The following RDX variants were observed in gnomAD, a reference collection of about 807,000 sequenced individuals.
The protein encoded by RDX is deafness, autosomal recessive 24.
In RDX, 32 loss-of-function variants were observed where a neutral mutation model predicts 83.7. The ratio of observed to expected loss-of-function variants is 0.38; its 90% CI spans 0.29 to 0.51. The LOEUF (loss-of-function observed/expected upper bound fraction) is 0.51, where lower values mean the gene tolerates loss of function less well. RDX is among the 20% of genes least tolerant of loss of function. RDX has a pLI of 0.87. For missense variants in RDX, 600 were observed against 689.9 expected (o/e 0.87, Z 1.46); for synonymous variants, 229 against 222.7 (o/e 1.03, Z -0.25).
At chr11:110,280,359 T>C (rs1447622672) in intron 1 of RDX, among the ~76,000 whole-genome samples, 1 of 152,210 alleles carries the variant, frequency 6.6e-6, no homozygotes, top group East Asian at 1.9e-4. Flanking sequence ...TCCTCCTGCC[T>C]TGGGCTCCCA....
chr11:110,176,383 C>T (rs1369719949), intron 15 of RDX, among the ~76,000 whole-genome samples: 1 of 152,224 alleles, frequency 6.6e-6, no homozygotes, highest in South Asian at 2.1e-4. Flanking sequence ...CTTTTACAAA[C>T]CCCAGAGCCC....
At chr11:110,265,198 C>A (rs1257538627) in intron 3 of RDX, among the ~76,000 whole-genome samples, 1 of 143,612 alleles carries the variant, frequency 7.0e-6, no homozygotes, top group African/African-American at 2.6e-5. Context: ...TCAAGTGATT[C>A]TCCTGCCTCA....
intron 10 of RDX, among the ~76,000 whole-genome samples, chr11:110,244,842 G>C (rs936146995): frequency 3.3e-5 from 5 of 152,152 alleles, no homozygotes; most frequent in Non-Finnish European, 5.9e-5. Context: ...GAGAAAAGGA[G>C]ACTGTGTGAG....
chr11:110,220,854 A>G (rs1591121652), intron 14 of RDX, among the ~76,000 whole-genome samples: 1 of 150,384 alleles, frequency 6.6e-6, no homozygotes, highest in Admixed American at 6.6e-5. Context: ...TGAACTGATA[A>G]AACCTGGATC....
chr11:110,266,807 T>TA (rs1400019461), intron 3 of RDX, among the ~76,000 whole-genome samples: 1 of 152,128 alleles, frequency 6.6e-6, no homozygotes, highest in African/African-American at 2.4e-5. Flanking sequence ...AGGCTAATCT[T>TA]AAACTCCTGG....
chr11:110,215,338 G>A (rs1183607056), intron 14 of RDX, among the ~76,000 whole-genome samples: 1 of 149,076 alleles, frequency 6.7e-6, no homozygotes, highest in Non-Finnish European at 1.5e-5. Context: ...ACTCCAGCCT[G>A]GGCAACAGAG....
chr11:110,268,503 T>C (rs552001355), intron 3 of RDX, among the ~76,000 whole-genome samples: 141 of 152,232 alleles, frequency 9.3e-4, no homozygotes, highest in African/African-American at 3.3e-3. Context: ...CATTCAAGCT[T>C]GGAGCGGCAG....
rs373025462 is a variant in RDX, at chr11:110,246,544, G to A, written c.1090+1159C>T. Reference sequence around the variant, plus strand: ...AATCCCAGCACTTCAGGAGGCCGACGCGGGTGGATCACTTGAAGTCAGGAG... The same window carrying A: ...AATCCCAGCACTTCAGGAGGCCGACACGGGTGGATCACTTGAAGTCAGGAG... On this transcript the variant is annotated intron_variant, in intron 10 of 13. Transcript: ENST00000645495. 3.5e-4 allele frequency among the ~76,000 whole-genome samples: 53 copies of A among 152,246 alleles called. No individual in the cohort carries two copies. In the South Asian group the frequency reaches 9.7e-3, roughly 28 times the overall value.
chr11:110,218,272 A>G (rs1166171034), intron 14 of RDX, among the ~76,000 whole-genome samples: 1 of 152,242 alleles, frequency 6.6e-6, no homozygotes, highest in Non-Finnish European at 1.5e-5. Context: ...ACACACAGTT[A>G]AGTGACAACT....
At position 110,230,856 on chromosome 11, in the gene RDX, G is replaced by T. The variant is rs1864606671; in HGVS notation, c.*1013C>A. The T allele has an allele frequency of 6.5e-6, 1 of 152,728 alleles. No individual in the cohort carries two copies. The highest frequency in any genetic ancestry group is 1.9e-4 in the East Asian group (1 of 5,184). 9.5% of individuals were successfully genotyped at this position (152,728 alleles called of 1,614,324 possible). The stretch of plus-strand genomic sequence containing the variant: ...ACATATACCTTACACACTCCATTGT[G>T]TTTGAACAACCAGTCATCACAGATG... On this transcript the variant is annotated 3_prime_UTR_variant, in exon 14 of 14. Coordinates refer to ENST00000645495, the MANE Select transcript of RDX (RefSeq NM_002906.4).
chr11:110,240,732 A>ATG (rs1865057322), intron 10 of RDX, among the ~76,000 whole-genome samples: 1 of 120,962 alleles, frequency 8.3e-6, no homozygotes, highest in African/African-American at 3.4e-5. Context: ...GCGACAGAGC[A>ATG]AGACTCCGTC....
At chr11:110,176,067 T>C (rs917186562) in intron 15 of RDX, among the ~76,000 whole-genome samples, 1 of 150,324 alleles carries the variant, frequency 6.7e-6, no homozygotes, top group Admixed American at 6.7e-5. Context: ...AGCACCAGCC[T>C]TTTTTTCTTT....
intron 15 of RDX, among the ~76,000 whole-genome samples, chr11:110,182,132 T>C (rs1434406935): frequency 6.6e-6 from 1 of 152,186 alleles, no homozygotes; most frequent in African/African-American, 2.4e-5. Flanking sequence ...TCTACCCTTC[T>C]CCTCTGAGCT....
At chr11:110,223,689 A>C (rs1405419720) in intron 14 of RDX, among the ~76,000 whole-genome samples, 2 of 152,242 alleles carry the variant, frequency 1.3e-5, no homozygotes, top group African/African-American at 4.8e-5. Context: ...AAAAGTAAGA[A>C]AGAAAAAAAA....
At chr11:110,180,808 A>G (rs1009900687) in intron 15 of RDX, among the ~76,000 whole-genome samples, 2 of 151,804 alleles carry the variant, frequency 1.3e-5, no homozygotes, top group African/African-American at 2.4e-5. Context: ...CACTTTGGGT[A>G]TCTGCTCAAA....
intron 15 of RDX, among the ~76,000 whole-genome samples, chr11:110,191,799 C>T (rs936682442): frequency 6.6e-5 from 10 of 152,070 alleles, no homozygotes; most frequent in Admixed American, 5.2e-4. Flanking sequence ...GAAGTTGCAG[C>T]GAGCCGAGAT....
chr11:110,279,612 C>T, intron 2 of RDX, 69 bp downstream of exon 2: 1 of 1,037,200 alleles, frequency 9.6e-7, no homozygotes. Flanking sequence ...CATTCTTTGT[C>T]TTGTTCCAAA....
chr11:110,250,849 A>G (rs1484758043), intron 9 of RDX, among the ~76,000 whole-genome samples: 1 of 152,214 alleles, frequency 6.6e-6, no homozygotes, highest in African/African-American at 2.4e-5. Flanking sequence ...AGCCATCTCC[A>G]GCCAACACTT....
chr11:110,240,693 C>T (rs1300709185), intron 10 of RDX, among the ~76,000 whole-genome samples: 1 of 140,262 alleles, frequency 7.1e-6, no homozygotes, highest in Non-Finnish European at 1.5e-5. Context: ...TGCAGTGAGC[C>T]GAGATGGCGC....
Sources: gnomAD v4.1 joint callset for allele counts (sites outside exome capture counted in the v4.1 genomes callset) on GRCh38, gnomAD v4.1.1 for gene constraint, MANE v1.5 for transcripts, NCBI Gene and HGNC (gene_info 2026-07-23, HGNC 2026-07-21) for gene names.